Variants in PARVB observed in about 807,000 individuals in gnomAD.
The protein encoded by PARVB is beta-parvin.
Under a neutral mutation model 47.0 loss-of-function variants are expected in PARVB, and 46 were observed. That is an observed-to-expected ratio of 0.98 (90% CI 0.77 to 1.25). PARVB has a LOEUF of 1.25. Among genes scored for constraint, PARVB ranks in the 50% most tolerant of loss-of-function variants. The probability of loss-of-function intolerance (pLI) is 0.00; values close to 1 mark genes in which losing one functional copy is unlikely to be tolerated. For synonymous variants in PARVB, 196 were observed against 196.3 expected, an observed-to-expected ratio of 1.00 and a Z score of 0.01; for missense variants, 473 against 471.6, an observed-to-expected ratio of 1.00 and a Z score of -0.03.
At position 44,168,603 on chromosome 22, in the gene PARVB, C is replaced by A; in HGVS notation, c.1020C>A (p.Asp340Glu). 6.2e-7 allele frequency: 1 copy of A among 1,608,342 alleles called. No individual in the cohort carries two copies. The change falls in exon 13 of 13, where the codon GAC becomes GAA. Residue 340 changes from aspartate (D) to glutamate (E), a missense_variant and splice_region_variant. Transcript: ENST00000338758. ...GLKKPKARPE[D>E]VVNLDLKSTL... ...AAGTTTCTCTGTTTCCTTCTGCAGA[C>A]GTGGTTAACTTGGACCTCAAATCCA...
At chr22:44,152,930 T>C (rs558432572) in intron 10 of PARVB, 1 of 152,320 alleles carries the variant, frequency 6.6e-6, no homozygotes, top group South Asian at 2.1e-4. Context: ...ATTGTAGAAA[T>C]GTCTGAAAAT....
chr22:44,163,439 C>G (rs1337166505), intron 11 of PARVB, among the ~76,000 whole-genome samples: 10 of 152,176 alleles, frequency 6.6e-5, no homozygotes, highest in Non-Finnish European at 2.9e-5. Flanking sequence ...GATCTCGCCA[C>G]TGTGCACTAG....
intron 1 of PARVB, among the ~76,000 whole-genome samples, chr22:44,029,902 T>C (rs1461976395): frequency 7.3e-6 from 1 of 136,808 alleles, no homozygotes; most frequent in Non-Finnish European, 1.5e-5. Context: ...AAAGCGAGAC[T>C]CTGCCTCAAA....
At chr22:44,035,095 T>G (rs2050896361) in intron 1 of PARVB, among the ~76,000 whole-genome samples, 1 of 152,200 alleles carries the variant, frequency 6.6e-6, no homozygotes, top group African/African-American at 2.4e-5. Flanking sequence ...CATAAACAAT[T>G]AACAATATTT....
At chr22:44,138,032 C>G (rs1382307471) in intron 7 of PARVB, among the ~76,000 whole-genome samples, 2 of 152,132 alleles carry the variant, frequency 1.3e-5, no homozygotes, top group Admixed American at 1.3e-4. Context: ...TGCCATAAAA[C>G]TAGAATGGTC....
At chr22:44,033,183 G>T (rs1417154377) in intron 1 of PARVB, among the ~76,000 whole-genome samples, 5 of 151,972 alleles carry the variant, frequency 3.3e-5, no homozygotes, top group Admixed American at 6.6e-5. Flanking sequence ...CTGCCTCCTG[G>T]GTTCAAGCGA....
chr22:44,150,223 G>C (rs1391923328), intron 9 of PARVB: 1 of 152,200 alleles, frequency 6.6e-6, no homozygotes, highest in Non-Finnish European at 1.5e-5. Context: ...GGGCAGTGGT[G>C]GATGATATTG....
chr22:44,055,509 A>G (rs2051289778), intron 1 of PARVB, among the ~76,000 whole-genome samples: 1 of 151,750 alleles, frequency 6.6e-6, no homozygotes, highest in African/African-American at 2.4e-5. Context: ...TAATTTTTGT[A>G]TTTTTAGTAG....
intron 9 of PARVB, chr22:44,151,218 T>C: frequency 2.7e-6 from 1 of 374,894 alleles, no homozygotes. Context: ...GATTGTTAAA[T>C]ATGTCATGCG....
intron 9 of PARVB, 94 bp from the exon 10 acceptor site, chr22:44,151,389 C>T (rs2053804564): frequency 1.0e-5 from 9 of 892,274 alleles, no homozygotes; most frequent in Non-Finnish European, 1.7e-5. Context: ...AAGCGTTTCA[C>T]AGAGCTGGGG....
rs559304107 is a variant in PARVB, at chr22:44,026,452, C to G, written c.112+2001C>G. On this transcript the variant is annotated intron_variant, in intron 1 of 12. Transcript: ENST00000338758. Reference sequence around the variant, plus strand: ...AGAGGGCCACAAACCCTCCTTGGATCTAGGCACAGGAATTGAGGGACAGGC... The same window carrying G: ...AGAGGGCCACAAACCCTCCTTGGATGTAGGCACAGGAATTGAGGGACAGGC... 6.2e-5 allele frequency: 38 copies of G among 611,924 alleles called. 3 individuals are homozygous for G. In the South Asian group the frequency reaches 2.6e-3, roughly 42 times the overall value. 37.9% of individuals were successfully genotyped at this position (611,924 alleles called of 1,614,324 possible).
At chr22:44,007,374 G>A (rs921893286) in intron 2 of PARVB, among the ~76,000 whole-genome samples, 4 of 152,172 alleles carry the variant, frequency 2.6e-5, no homozygotes, top group South Asian at 2.1e-4. Context: ...GCACTCCCAC[G>A]CTGGAGGCCA....
chr22:44,085,381 C>T (rs1473636987), intron 1 of PARVB, among the ~76,000 whole-genome samples: 1 of 152,194 alleles, frequency 6.6e-6, no homozygotes, highest in Non-Finnish European at 1.5e-5. Context: ...GTGATCTTGG[C>T]TCACTGCAAC....
At chr22:44,078,867 G>A (rs987352045) in intron 1 of PARVB, among the ~76,000 whole-genome samples, 4 of 152,200 alleles carry the variant, frequency 2.6e-5, no homozygotes, top group African/African-American at 9.6e-5. Context: ...TAGGATTACA[G>A]GCGCAGACCA....
intron 2 of PARVB, among the ~76,000 whole-genome samples, chr22:44,098,384 T>G (rs1028994308): frequency 6.6e-6 from 1 of 152,040 alleles, no homozygotes; most frequent in African/African-American, 2.4e-5. Flanking sequence ...GGATCTCAGC[T>G]GGGGAGCTGA....
intron 1 of PARVB, among the ~76,000 whole-genome samples, chr22:44,088,943 C>A (rs1601584838): frequency 6.6e-6 from 1 of 152,140 alleles, no homozygotes; most frequent in East Asian, 1.9e-4. Flanking sequence ...CTGGCTGGCC[C>A]ACAAAATTTG....
At chr22:44,044,425 C>T (rs2051078036) in intron 1 of PARVB, among the ~76,000 whole-genome samples, 2 of 152,068 alleles carry the variant, frequency 1.3e-5, no homozygotes, top group Admixed American at 6.5e-5. Context: ...CTCCTGACCT[C>T]GTGATCCGCC....
intron 1 of PARVB, among the ~76,000 whole-genome samples, chr22:44,073,371 G>C (rs1170202684): frequency 6.6e-6 from 1 of 152,176 alleles, no homozygotes; most frequent in Non-Finnish European, 1.5e-5. Context: ...GTGCATGCTT[G>C]TAATCCCAGC....
chr22:44,024,381 G>C lies in PARVB; in HGVS notation c.42G>C (p.Arg14Ser), dbSNP rs1272669631. 1 of 1,236,928 alleles carries C rather than the reference G, an allele frequency of 8.1e-7. No individual in the cohort carries two copies. Among genetic ancestry groups the C allele is most frequent in the East Asian group, 4.3e-5 (1 of 23,350 alleles). The allele number at this position is 1,236,928 out of a possible 1,614,324, so 76.6% of individuals were successfully genotyped here. The change falls in exon 1 of 13, where the codon AGG becomes AGC. Residue 14 changes from arginine to serine, a missense_variant. Arg to Ser is a moderately radical substitution (Grantham distance 110). Coordinates refer to ENST00000338758, the MANE Select transcript of PARVB (RefSeq NM_013327.5). Reference protein sequence around the residue: ...APRSPTPRPRRMKKDESFLGK... With the variant: ...APRSPTPRPRSMKKDESFLGK... ...GCTCGCCCACCCCGCGGCCCCGCAG[G>C]ATGAAGAAGGACGAGTCGTTCCTGG...
Sources: allele counts gnomAD v4.1 joint callset (sites outside exome capture counted in the v4.1 genomes callset), GRCh38; gene constraint gnomAD v4.1.1; transcripts MANE v1.5; gene names NCBI Gene and HGNC (gene_info 2026-07-23, HGNC 2026-07-21).